The following PSMA6 variants were observed in gnomAD, a reference collection of about 807,000 sequenced individuals.
PSMA6 encodes proteasome subunit alpha type-6.
For missense variants in PSMA6, 170 were observed against 294.8 expected (o/e 0.58, Z 3.10); for synonymous variants, 88 against 97.7 (o/e 0.90, Z 0.59).
At chr14:35,317,013 T>C (rs746156715) in intron 6 of PSMA6, 48 of 383,316 alleles carry the variant, frequency 1.3e-4, no homozygotes, top group Non-Finnish European at 2.1e-4. Flanking sequence ...CTAAATCTGA[T>C]GTCAAAGTAA....
chr14:35,309,648 T>C (rs997093080), intron 3 of PSMA6, among the ~76,000 whole-genome samples: 15 of 152,108 alleles, frequency 9.9e-5, no homozygotes, highest in Non-Finnish European at 1.8e-4. Flanking sequence ...AAAAATTAGC[T>C]GGGCATGGTG....
chr14:35,281,205 T>A (rs2051363112), intron 1 of PSMA6, among the ~76,000 whole-genome samples: 1 of 152,206 alleles, frequency 6.6e-6, no homozygotes, highest in Non-Finnish European at 1.5e-5. Flanking sequence ...TTGGTCTCCA[T>A]CTTTTCAGTT....
At chr14:35,297,466 C>T (rs2051620573) in intron 1 of PSMA6, among the ~76,000 whole-genome samples, 1 of 152,124 alleles carries the variant, frequency 6.6e-6, no homozygotes, top group African/African-American at 2.4e-5. Context: ...CCGCCTGCCT[C>T]GGCCTCCCAA....
intron 1 of PSMA6, among the ~76,000 whole-genome samples, chr14:35,304,960 C>T (rs949142852): frequency 1.3e-5 from 2 of 151,994 alleles, no homozygotes; most frequent in Non-Finnish European, 2.9e-5. Flanking sequence ...CACCTGTAGT[C>T]TCAGCTGCTC....
chr14:35,278,921 C>T (rs1337118561), intron 1 of PSMA6, among the ~76,000 whole-genome samples: 2 of 151,892 alleles, frequency 1.3e-5, no homozygotes, highest in Non-Finnish European at 2.9e-5. Context: ...TGCATATATA[C>T]TCATTTTTTG....
Position 35,296,468 on chromosome 14 carries a change from T to A in PSMA6, c.76+3916T>A, listed in dbSNP as rs189209451. 4.6e-3 allele frequency among the ~76,000 whole-genome samples: 704 copies of A among 152,168 alleles called. 3 individuals are homozygous for A. The highest frequency in any genetic ancestry group is 6.2e-3 in the Admixed American group (94 of 15,278). On this transcript the variant is annotated intron_variant, in intron 1 of 6. Coordinates refer to ENST00000261479, the MANE Select transcript of PSMA6 (RefSeq NM_002791.3). ...GCCTCAGCCTCCCGAGTAGCTGGGATTACAGGCGCCTGCCACCATGCCCGG... is the reference window on the plus strand; with the variant it reads ...GCCTCAGCCTCCCGAGTAGCTGGGAATACAGGCGCCTGCCACCATGCCCGG...
At chr14:35,303,720 A>G (rs757602434) in intron 1 of PSMA6, among the ~76,000 whole-genome samples, 1 of 152,182 alleles carries the variant, frequency 6.6e-6, no homozygotes, top group Non-Finnish European at 1.5e-5. Flanking sequence ...TATTCAACCC[A>G]TATTCATGGG....
At chr14:35,291,822 T>TCA (rs200541481), upstream of PSMA6, among the ~76,000 whole-genome samples, 1,512 of 54,774 alleles carry the variant, frequency 0.028, 26 homozygotes, top group Middle Eastern at 0.057. Flanking sequence ...AAACTCTGTC[T>TCA]CAAAAAAAAA....
chr14:35,280,686 C>G (rs560901875), intron 1 of PSMA6, among the ~76,000 whole-genome samples: 2 of 151,936 alleles, frequency 1.3e-5, no homozygotes, highest in Non-Finnish European at 2.9e-5. Flanking sequence ...CCAGCCTGGT[C>G]TCATTGTTTC....
At chr14:35,290,176 G>A (rs560454789), upstream of PSMA6, among the ~76,000 whole-genome samples, 1 of 152,204 alleles carries the variant, frequency 6.6e-6, no homozygotes, top group Admixed American at 6.5e-5. Context: ...TCCAGAGAAG[G>A]GTCCAGCTAG....
intron 4 of PSMA6, among the ~76,000 whole-genome samples, chr14:35,312,199 T>C (rs1419007063): frequency 2.1e-5 from 2 of 97,420 alleles, no homozygotes; most frequent in Non-Finnish European, 4.0e-5. Flanking sequence ...CCTCGTCTCC[T>C]AAAAAAAAAA....
chr14:35,291,449 T>C (rs2051478632), upstream of PSMA6, among the ~76,000 whole-genome samples: 2 of 152,058 alleles, frequency 1.3e-5, no homozygotes, highest in Admixed American at 1.3e-4. Context: ...CTCAATCTCC[T>C]GACCTCGTGA....
chr14:35,291,935 G>A (rs930797991), upstream of PSMA6, among the ~76,000 whole-genome samples: 7 of 150,888 alleles, frequency 4.6e-5, no homozygotes, highest in Non-Finnish European at 8.8e-5. Context: ...GCTTGAACCC[G>A]CTTCCTTCAG....
At chr14:35,307,969 T>TA (rs554466773) in intron 1 of PSMA6, 25 bp from the exon 2 acceptor site, 99 of 1,604,418 alleles carry the variant, frequency 6.2e-5, no homozygotes, top group African/African-American at 9.4e-5. Context: ...TATTCCAACT[T>TA]AAAAAAAACT....
chr14:35,296,481 C>T (rs1047223286), intron 1 of PSMA6, among the ~76,000 whole-genome samples: 1 of 152,082 alleles, frequency 6.6e-6, no homozygotes, highest in East Asian at 1.9e-4. Flanking sequence ...CAGGCGCCTG[C>T]CACCATGCCC....
upstream of PSMA6, chr14:35,292,212 C>G: frequency 2.1e-6 from 2 of 950,538 alleles, no homozygotes; most frequent in Non-Finnish European, 2.8e-6. Flanking sequence ...ACCCAAGTTT[C>G]ACGTCTATCC....
intron 1 of PSMA6, among the ~76,000 whole-genome samples, chr14:35,307,127 G>A (rs1393994871): frequency 6.6e-6 from 1 of 152,156 alleles, no homozygotes; most frequent in Non-Finnish European, 1.5e-5. Flanking sequence ...CAACCTGGGC[G>A]ACAGAGCGAG....
At chr14:35,278,795 T>G in intron 1 of PSMA6, 1 of 1,484,190 alleles carries the variant, frequency 6.7e-7, no homozygotes, top group Non-Finnish European at 9.1e-7. Flanking sequence ...TTCTTATATT[T>G]TATTCCTCTT....
At chr14:35,302,055 A>G (rs1478113704) in intron 1 of PSMA6, among the ~76,000 whole-genome samples, 3 of 151,214 alleles carry the variant, frequency 2.0e-5, no homozygotes, top group African/African-American at 7.3e-5. Flanking sequence ...TTTTTTTTCT[A>G]GGAAAAAATC....
Sources: allele counts gnomAD v4.1 joint callset (sites outside exome capture counted in the v4.1 genomes callset), GRCh38; gene constraint gnomAD v4.1.1; transcripts MANE v1.5; gene names NCBI Gene and HGNC (gene_info 2026-07-23, HGNC 2026-07-21).